The following GLI3 variants were observed in gnomAD, a reference collection of about 807,000 sequenced individuals.
GLI3 encodes GLI family zinc finger 3.
Under a neutral mutation model 100.8 loss-of-function variants are expected in GLI3, and 20 were observed. The observed-to-expected ratio is 0.20, with a 90% CI of 0.14 to 0.29. The LOEUF is 0.29. Among genes scored for constraint, GLI3 ranks in the 10% least tolerant of loss-of-function variants. The pLI, the probability that GLI3 is intolerant of heterozygous loss-of-function variation, is 1.00. For synonymous variants in GLI3, 938 were observed against 860.5 expected (o/e 1.09, Z -1.58); for missense variants, 2,040 against 2,128.5 (o/e 0.96, Z 0.82).
At chr7:42,256,134 C>T in intron 1 of GLI3, among the ~76,000 whole-genome samples, 1 of 152,170 alleles carries the variant, frequency 6.6e-6, no homozygotes, top group East Asian at 1.9e-4. Flanking sequence ...AAATATTCTG[C>T]CTATTTTTAA....
intron 10 of GLI3, 97 bp downstream of exon 10, chr7:42,023,371 C>T: frequency 7.8e-7 from 1 of 1,288,348 alleles, no homozygotes; most frequent in Non-Finnish European, 1.1e-6. Flanking sequence ...CAATGCGGCT[C>T]CTAAGAAACT....
intron 3 of GLI3, among the ~76,000 whole-genome samples, chr7:42,141,597 G>T (rs1012745281): frequency 1.3e-5 from 2 of 152,128 alleles, no homozygotes; most frequent in Admixed American, 6.5e-5. Context: ...GGTTGAACCT[G>T]GGAGGCGGAG....
intron 3 of GLI3, among the ~76,000 whole-genome samples, chr7:42,100,639 G>A (rs1785440801): frequency 6.6e-6 from 1 of 152,124 alleles, no homozygotes; most frequent in African/African-American, 2.4e-5. Context: ...CTACTTGGGA[G>A]GCTGAGGTGG....
intron 1 of GLI3, among the ~76,000 whole-genome samples, chr7:42,251,968 G>A (rs753916636): frequency 1.3e-5 from 2 of 151,966 alleles, no homozygotes; most frequent in Non-Finnish European, 2.9e-5. Flanking sequence ...TCAAAGAACT[G>A]AAAACGGAAC....
At chr7:42,037,276 T>C (rs965528596) in intron 7 of GLI3, among the ~76,000 whole-genome samples, 4 of 152,228 alleles carry the variant, frequency 2.6e-5, no homozygotes, top group Non-Finnish European at 4.4e-5. Flanking sequence ...TGAAGTCGAC[T>C]TTCTCTCCTG....
rs1464430423 is a variant in GLI3, at chr7:42,031,425, G to A, written c.1029-5013C>T. 3.3e-5 allele frequency among the ~76,000 whole-genome samples: 5 copies of A among 152,256 alleles called. No homozygotes were observed. In the East Asian group the frequency reaches 9.6e-4, roughly 29 times the overall value. On this transcript the variant is annotated intron_variant, in intron 7 of 14. Coordinates refer to ENST00000395925, the MANE Select transcript of GLI3 (RefSeq NM_000168.6). ...GTCAGAGGCCTCCTGAGGTGAGTAA[G>A]TGTAATGGAGAGAAAGAGAAAGAAG...
At position 42,026,357 on chromosome 7, in the gene GLI3, G is replaced by C. The variant is rs1789112690; in HGVS notation, c.1084C>G (p.Gln362Glu). The C allele has an allele frequency of 1.2e-6, 2 of 1,614,208 alleles. No homozygotes were observed. Among genetic ancestry groups the C allele is most frequent in the East Asian group, 2.2e-5 (1 of 44,880 alleles). Residue 362 changes from glutamine to glutamate, a missense_variant, in exon 8 of 15, where the codon CAG (glutamine) becomes GAG (glutamate). By Grantham distance (29) the Gln-to-Glu change is conservative. Coordinates refer to ENST00000395925, the MANE Select transcript of GLI3 (RefSeq NM_000168.6). ...AAGCTCTGTTGTCGGCTTAGGATCTGCTGATGCATGTGGAGAGAGACGGGC... is the reference window on the plus strand; with the variant it reads ...AAGCTCTGTTGTCGGCTTAGGATCTCCTGATGCATGTGGAGAGAGACGGGC... ...SAPVSLHMHQ[Q>E]ILSRQQSLGS...
At position 41,994,385 on chromosome 7, in the gene GLI3, G is replaced by A. The variant is rs541615792; in HGVS notation, c.1498-15637C>T. ...GAATAGAAATCTTGCCCCCTATCAT[G>A]ACTAACATGTTTGAAGAGTCAAAAA... On this transcript the variant is annotated intron_variant, in intron 10 of 14. Transcript: ENST00000395925. Among the ~76,000 whole-genome samples, 4 of 152,278 alleles carry A rather than the reference G, an allele frequency of 2.6e-5. No homozygotes were observed. The South Asian group carries it at 8.3e-4, about 32-fold the overall frequency.
chr7:42,222,127 G>T (rs922989095), intron 2 of GLI3, among the ~76,000 whole-genome samples: 3 of 152,188 alleles, frequency 2.0e-5, no homozygotes, highest in Non-Finnish European at 4.4e-5. Context: ...TGCCCTTAGA[G>T]TCTAATGTTC....
intron 10 of GLI3, among the ~76,000 whole-genome samples, chr7:41,987,101 G>GACACACACACACACACACACAC (rs34005460): frequency 4.3e-5 from 6 of 140,612 alleles, no homozygotes; most frequent in Non-Finnish European, 9.3e-5. Context: ...CACAGACACA[G>GACACACACACACACACACACAC]ACACACACAC....
chr7:42,224,400 A>T (rs1026114325), intron 1 of GLI3, among the ~76,000 whole-genome samples: 9 of 152,222 alleles, frequency 5.9e-5, no homozygotes, highest in African/African-American at 1.9e-4. Flanking sequence ...CTACTTTAAC[A>T]CATATTTGCA....
At chr7:42,145,575 G>T (rs1786682703) in intron 3 of GLI3, 3 of 385,020 alleles carry the variant, frequency 7.8e-6, no homozygotes, top group Admixed American at 9.1e-5. Flanking sequence ...TGTTATAGAA[G>T]AAACTGGTCT....
chr7:41,978,222 A>G lies in GLI3; in HGVS notation c.1647+377T>C, dbSNP rs151138395. ...ATACGCCTATGCCTGAGGACTCACT[A>G]GGAAAGGAAGGGAAAACTTTAAAAC... is the stretch of plus-strand genomic sequence containing the variant. On this transcript the variant is annotated intron_variant, in intron 11 of 14. Transcript: ENST00000395925. Among the ~76,000 whole-genome samples, 10 of 152,324 alleles carry G rather than the reference A, an allele frequency of 6.6e-5. No homozygotes were observed. The East Asian group carries it at 1.9e-3, about 29-fold the overall frequency.
chr7:42,007,834 CAG>C (rs1195005543), intron 10 of GLI3, among the ~76,000 whole-genome samples: 1 of 152,154 alleles, frequency 6.6e-6, no homozygotes, highest in Non-Finnish European at 1.5e-5. Context: ...CTGAGGAACT[CAG>C]AGGTTCACCC....
At chr7:42,076,203 G>T (rs1170006227) in intron 4 of GLI3, among the ~76,000 whole-genome samples, 1 of 152,126 alleles carries the variant, frequency 6.6e-6, no homozygotes, top group Non-Finnish European at 1.5e-5. Flanking sequence ...CTTTTCTAAT[G>T]TATGTTATCA....
chr7:42,183,760 G>A lies in GLI3; in HGVS notation c.125-35292C>T, dbSNP rs1038589480. On this transcript the variant is annotated intron_variant, in intron 2 of 14. Transcript: ENST00000395925. ...GATTCCTCTCTCCACAACATAGGCTGAGTCCATCCACTTCCCTCCCTCTTC... is the reference window on the plus strand; with the variant it reads ...GATTCCTCTCTCCACAACATAGGCTAAGTCCATCCACTTCCCTCCCTCTTC... Among the ~76,000 whole-genome samples the A allele has an allele frequency of 4.6e-5, 7 of 152,292 alleles. No homozygotes were observed. The East Asian group carries it at 1.4e-3, about 29-fold the overall frequency.
chr7:42,071,493 A>T (rs1295255914), intron 4 of GLI3, among the ~76,000 whole-genome samples: 1 of 152,194 alleles, frequency 6.6e-6, no homozygotes, highest in Non-Finnish European at 1.5e-5. Flanking sequence ...TCACTATTAC[A>T]TGAACAGGCC....
chr7:42,102,134 C>T (rs888781996), intron 3 of GLI3, among the ~76,000 whole-genome samples: 41 of 151,986 alleles, frequency 2.7e-4, no homozygotes, highest in Admixed American at 1.3e-3. Context: ...TGAATAATGC[C>T]GCTGTAAACA....
intron 4 of GLI3, among the ~76,000 whole-genome samples, chr7:42,058,135 A>G (rs112620088): frequency 0.02 from 3,108 of 152,320 alleles, 105 homozygotes; most frequent in African/African-American, 0.07. Context: ...TTAACTAAAA[A>G]AAGAAGAAAA....
Sources: gnomAD v4.1 joint callset for allele counts (sites outside exome capture counted in the v4.1 genomes callset) on GRCh38, gnomAD v4.1.1 for gene constraint, MANE v1.5 for transcripts, NCBI Gene and HGNC (gene_info 2026-07-23, HGNC 2026-07-21) for gene names.